Variants in CSMD1 observed in about 807,000 individuals in gnomAD.
CSMD1 encodes the protein CUB and Sushi multiple domains 1, also known as CUB and sushi domain-containing protein 1.
Under a neutral mutation model 417.5 loss-of-function variants are expected in CSMD1, and 213 were observed. The observed-to-expected ratio is 0.51, with a 90% CI of 0.46 to 0.57. The LOEUF (loss-of-function observed/expected upper bound fraction) is 0.57. Ranked by LOEUF, CSMD1 falls within the 20% of genes least tolerant of loss-of-function variation. CSMD1 has a pLI of 0.00. For missense variants in CSMD1, 6,923 were observed against 4,529.7 expected (o/e 1.53, Z -15.17); for synonymous variants, 2,862 against 1,736.8 (o/e 1.65, Z -16.11).
At chr8:4,248,779 T>G (rs1356744509) in intron 3 of CSMD1, among the ~76,000 whole-genome samples, 1 of 152,074 alleles carries the variant, frequency 6.6e-6, no homozygotes, top group South Asian at 2.1e-4. Flanking sequence ...TTACTGTCAG[T>G]TTTCCTCCTC....
intron 49 of CSMD1, among the ~76,000 whole-genome samples, chr8:3,064,849 A>G (rs1302137428): frequency 6.6e-6 from 1 of 152,206 alleles, no homozygotes; most frequent in Non-Finnish European, 1.5e-5. Flanking sequence ...GGCATTAAAG[A>G]CAAGTTAGGG....
At chr8:4,145,729 T>C (rs1399330370) in intron 3 of CSMD1, among the ~76,000 whole-genome samples, 2 of 150,936 alleles carry the variant, frequency 1.3e-5, no homozygotes, top group Non-Finnish European at 2.9e-5. Context: ...ATTTGACTTG[T>C]CCCAAGGAAC....
chr8:3,530,406 C>G (rs1797928351), intron 10 of CSMD1, among the ~76,000 whole-genome samples: 1 of 152,126 alleles, frequency 6.6e-6, no homozygotes, highest in African/African-American at 2.4e-5. Flanking sequence ...GTGATTTTTT[C>G]TTCGATCTAA....
At chr8:3,949,563 G>T (rs1811463651) in intron 5 of CSMD1, among the ~76,000 whole-genome samples, 1 of 152,134 alleles carries the variant, frequency 6.6e-6, no homozygotes, top group African/African-American at 2.4e-5. Context: ...GGGTTATTTT[G>T]GGGTTCTTTT....
chr8:4,889,342 C>T (rs1160470099), intron 1 of CSMD1, among the ~76,000 whole-genome samples: 1 of 152,050 alleles, frequency 6.6e-6, no homozygotes, highest in African/African-American at 2.4e-5. Flanking sequence ...ATCAAGTTTT[C>T]TACAAATGTG....
intron 3 of CSMD1, among the ~76,000 whole-genome samples, chr8:4,279,376 C>G (rs749975917): frequency 6.6e-6 from 1 of 152,186 alleles, no homozygotes; most frequent in African/African-American, 2.4e-5. Context: ...AACAGAATGT[C>G]AAGTATCTTC....
chr8:4,834,205 A>G (rs1449771074), intron 1 of CSMD1, among the ~76,000 whole-genome samples: 3 of 152,254 alleles, frequency 2.0e-5, no homozygotes, highest in Non-Finnish European at 2.9e-5. Context: ...TTAGAAGACA[A>G]TACATATTTG....
intron 1 of CSMD1, among the ~76,000 whole-genome samples, chr8:4,722,458 T>C (rs1809120982): frequency 6.6e-6 from 1 of 152,178 alleles, no homozygotes; most frequent in Non-Finnish European, 1.5e-5. Flanking sequence ...ATGCATTTTG[T>C]ACTGCAGTCT....
chr8:4,776,992 C>T (rs914566609), intron 1 of CSMD1, among the ~76,000 whole-genome samples: 3 of 152,014 alleles, frequency 2.0e-5, no homozygotes, highest in African/African-American at 7.2e-5. Flanking sequence ...TTAGCGTATT[C>T]TTGTAAAACA....
rs186519984 is a variant in CSMD1 at position 3,544,222 on chromosome 8, C to G, written c.1344+30723G>C. On this transcript the variant is annotated intron_variant, in intron 10 of 69. Transcript: ENST00000635120. Reference sequence around the variant, plus strand: ...GAAGAGATTGATAACGTTTACTAAACAGACCCAAAATTAAAAGTGCCCCGA... The same window carrying G: ...GAAGAGATTGATAACGTTTACTAAAGAGACCCAAAATTAAAAGTGCCCCGA... Among the ~76,000 whole-genome samples, 9 of 152,220 alleles carry G rather than the reference C, an allele frequency of 5.9e-5. No homozygotes were observed. The South Asian group carries it at 1.7e-3, about 28-fold the overall frequency.
intron 2 of CSMD1, among the ~76,000 whole-genome samples, chr8:4,523,546 C>T (rs573960384): frequency 5.9e-5 from 9 of 152,226 alleles, no homozygotes; most frequent in Non-Finnish European, 7.4e-5. Context: ...CACTCACACA[C>T]ATGCAGACAG....
At chr8:3,560,579 G>T (rs552623272) in intron 10 of CSMD1, among the ~76,000 whole-genome samples, 2 of 152,264 alleles carry the variant, frequency 1.3e-5, no homozygotes, top group Non-Finnish European at 1.5e-5. Context: ...AAATGAATGG[G>T]AGAGGAAGAA....
chr8:3,755,470 T>C (rs1797606601), intron 5 of CSMD1, among the ~76,000 whole-genome samples: 1 of 151,998 alleles, frequency 6.6e-6, no homozygotes, highest in South Asian at 2.1e-4. Flanking sequence ...GTGTAGATAA[T>C]CTGTAAGGGT....
chr8:4,831,589 G>C (rs529601277), intron 1 of CSMD1, among the ~76,000 whole-genome samples: 40 of 151,950 alleles, frequency 2.6e-4, no homozygotes, highest in South Asian at 1.5e-3. Flanking sequence ...TCATGCCAAG[G>C]TTTGTTGACT....
At chr8:4,109,295 C>G (rs1354126119) in intron 3 of CSMD1, among the ~76,000 whole-genome samples, 1 of 152,026 alleles carries the variant, frequency 6.6e-6, no homozygotes, top group African/African-American at 2.4e-5. Flanking sequence ...TATGAAGGAG[C>G]AGCTGTATTT....
chr8:4,370,706 C>G (rs1802345517), intron 3 of CSMD1, among the ~76,000 whole-genome samples: 1 of 152,186 alleles, frequency 6.6e-6, no homozygotes, highest in Non-Finnish European at 1.5e-5. Context: ...ATTCTTTCCT[C>G]AGCTCGGTCT....
At chr8:4,455,694 G>A (rs1419254415) in intron 2 of CSMD1, among the ~76,000 whole-genome samples, 2 of 151,772 alleles carry the variant, frequency 1.3e-5, no homozygotes, top group African/African-American at 2.4e-5. Flanking sequence ...ACTTTGGGAG[G>A]CCGAAGCGGG....
At chr8:3,438,529 G>C (rs1015841902) in intron 12 of CSMD1, among the ~76,000 whole-genome samples, 5 of 152,042 alleles carry the variant, frequency 3.3e-5, no homozygotes, top group African/African-American at 7.2e-5. Context: ...GACTTTTTTG[G>C]TCAGCACCAC....
intron 26 of CSMD1, among the ~76,000 whole-genome samples, chr8:3,259,769 T>C (rs1377592170): frequency 6.6e-6 from 1 of 152,218 alleles, no homozygotes; most frequent in Admixed American, 6.5e-5. Flanking sequence ...GTTGGCAAAC[T>C]GTATACTGGA....
Sources: allele counts gnomAD v4.1 joint callset (sites outside exome capture counted in the v4.1 genomes callset), GRCh38; gene constraint gnomAD v4.1.1; transcripts MANE v1.5; gene names NCBI Gene and HGNC (gene_info 2026-07-23, HGNC 2026-07-21).